Variants in FOXN3 observed in about 807,000 individuals in gnomAD.
The protein encoded by FOXN3 is forkhead box N3.
In FOXN3, 7 loss-of-function variants were observed where a neutral mutation model predicts 38.4. The ratio of observed to expected loss-of-function variants is 0.18; its 90% CI spans 0.10 to 0.34. FOXN3 has a LOEUF of 0.34. Ranked by LOEUF, FOXN3 falls within the 10% of genes least tolerant of loss-of-function variation. FOXN3 has a pLI of 1.00. For missense variants in FOXN3, 456 were observed against 613.4 expected (o/e 0.74, Z 2.71); for synonymous variants, 230 against 242.2 (o/e 0.95, Z 0.47).
intron 4 of FOXN3, 43 bp downstream of exon 4, chr14:89,280,907 G>A (rs1355314698): frequency 3.2e-6 from 5 of 1,538,612 alleles, no homozygotes; most frequent in East Asian, 2.3e-5. Context: ...AAAGGCGGGT[G>A]GGTGAGGGGG....
At chr14:89,385,222 T>G (rs377012404) in intron 2 of FOXN3, among the ~76,000 whole-genome samples, 7 of 152,296 alleles carry the variant, frequency 4.6e-5, no homozygotes, top group African/African-American at 1.7e-4. Flanking sequence ...GGGTATAAAT[T>G]ATAAATGTGC....
chr14:89,572,596 C>T (rs1160643506), intron 1 of FOXN3, among the ~76,000 whole-genome samples: 3 of 152,212 alleles, frequency 2.0e-5, no homozygotes, highest in Admixed American at 2.0e-4. Context: ...GTGATCTTCC[C>T]CTTTCCTATC....
intron 2 of FOXN3, among the ~76,000 whole-genome samples, chr14:89,357,385 T>A (rs937094154): frequency 6.6e-6 from 1 of 151,918 alleles, no homozygotes; most frequent in Non-Finnish European, 1.5e-5. Context: ...AGCGGGTGGA[T>A]CATCTGAGGT....
intron 1 of FOXN3, among the ~76,000 whole-genome samples, chr14:89,414,368 C>T (rs1311660286): frequency 6.6e-6 from 1 of 152,034 alleles, no homozygotes; most frequent in Non-Finnish European, 1.5e-5. Context: ...TTCATTAACA[C>T]CACATCTAAA....
chr14:89,421,378 C>T (rs1371665957), upstream of FOXN3, among the ~76,000 whole-genome samples: 2 of 151,554 alleles, frequency 1.3e-5, no homozygotes, highest in Admixed American at 6.6e-5. Context: ...GAACTCCTGA[C>T]CTCAGGTGAT....
chr14:89,350,637 C>T (rs1888931739), intron 3 of FOXN3, 35 bp downstream of exon 3: 1 of 1,475,082 alleles, frequency 6.8e-7, no homozygotes, highest in African/African-American at 1.5e-5. Context: ...AATGCCATTT[C>T]AGTAGACCAA....
chr14:89,585,653 G>T (rs1006485842), intron 1 of FOXN3, among the ~76,000 whole-genome samples: 3 of 149,122 alleles, frequency 2.0e-5, no homozygotes, highest in African/African-American at 7.4e-5. Flanking sequence ...TAATAATAAA[G>T]AAATAATAGG....
At chr14:89,228,012 T>G (rs1301912899) in intron 4 of FOXN3, among the ~76,000 whole-genome samples, 2 of 152,090 alleles carry the variant, frequency 1.3e-5, no homozygotes, top group African/African-American at 4.8e-5. Flanking sequence ...AGTGCTAGTA[T>G]CACAGGAATG....
At chr14:89,193,173 T>C (rs1888007278) in intron 4 of FOXN3, among the ~76,000 whole-genome samples, 1 of 152,064 alleles carries the variant, frequency 6.6e-6, no homozygotes, top group African/African-American at 2.4e-5. Context: ...CCTGGCTACA[T>C]GGTCCCTGCC....
chr14:89,568,867 G>T (rs896090821), intron 1 of FOXN3, among the ~76,000 whole-genome samples: 2 of 152,192 alleles, frequency 1.3e-5, no homozygotes, highest in Admixed American at 1.3e-4. Flanking sequence ...GGATGGTTTG[G>T]CCCTTTCTTA....
At chr14:89,367,067 G>A (rs1350529747) in intron 2 of FOXN3, among the ~76,000 whole-genome samples, 1 of 152,052 alleles carries the variant, frequency 6.6e-6, no homozygotes, top group Non-Finnish European at 1.5e-5. Flanking sequence ...AAATAATCAT[G>A]AGCCCTTCTC....
chr14:89,403,218 T>C (rs1368694733), intron 2 of FOXN3, among the ~76,000 whole-genome samples: 2 of 152,190 alleles, frequency 1.3e-5, no homozygotes, highest in Non-Finnish European at 2.9e-5. Flanking sequence ...TTGTTGTTGT[T>C]GGAGACATGG....
At chr14:89,560,538 A>G (rs1006929083) in intron 1 of FOXN3, among the ~76,000 whole-genome samples, 43 of 152,336 alleles carry the variant, frequency 2.8e-4, no homozygotes, top group African/African-American at 9.6e-4. Flanking sequence ...GACTGGCTTT[A>G]TGAACAGTAG....
chr14:89,388,891 G>A (rs1448828021), intron 2 of FOXN3, among the ~76,000 whole-genome samples: 1 of 152,072 alleles, frequency 6.6e-6, no homozygotes, highest in East Asian at 1.9e-4. Context: ...CACCAGCAGA[G>A]CACAGGCCCC....
intron 5 of FOXN3, among the ~76,000 whole-genome samples, chr14:89,166,781 A>G (rs1217395953): frequency 6.6e-6 from 1 of 152,254 alleles, no homozygotes; most frequent in Admixed American, 6.5e-5. Context: ...CACAAAACTC[A>G]GCAGGAAGTG....
chr14:89,345,251 T>C (rs1337569794), intron 3 of FOXN3, among the ~76,000 whole-genome samples: 3 of 151,846 alleles, frequency 2.0e-5, no homozygotes, highest in African/African-American at 7.3e-5. Flanking sequence ...TTCACTAAAG[T>C]AGGTCAGGCA....
intron 3 of FOXN3, among the ~76,000 whole-genome samples, chr14:89,337,360 A>G (rs1888492330): frequency 6.6e-6 from 1 of 152,160 alleles, no homozygotes; most frequent in Non-Finnish European, 1.5e-5. Flanking sequence ...GTAGGGGAAA[A>G]AAACTAATGA....
At chr14:89,290,745 C>A (rs558570119) in intron 3 of FOXN3, 16 of 322,426 alleles carry the variant, frequency 5.0e-5, no homozygotes, top group South Asian at 4.2e-4. Flanking sequence ...AGCCTGCAGG[C>A]TGGGATTCTT....
chr14:89,457,427 C>T, intron 1 of FOXN3, among the ~76,000 whole-genome samples: 1 of 152,186 alleles, frequency 6.6e-6, no homozygotes. Flanking sequence ...AGCATGGAAC[C>T]CGGAGCCTAA....
Sources: gnomAD v4.1 joint callset for allele counts (sites outside exome capture counted in the v4.1 genomes callset) on GRCh38, gnomAD v4.1.1 for gene constraint, MANE v1.5 for transcripts, NCBI Gene and HGNC (gene_info 2026-07-23, HGNC 2026-07-21) for gene names.